Variants in TTC28 observed in about 807,000 individuals in gnomAD.
TTC28 encodes tetratricopeptide repeat protein 28.
Under a neutral mutation model 198.0 loss-of-function variants are expected in TTC28, and 61 were observed. The observed-to-expected ratio is 0.31, with a 90% CI of 0.25 to 0.38. The LOEUF is 0.38. Among genes scored for constraint, TTC28 ranks in the 10% least tolerant of loss-of-function variants. The probability of loss-of-function intolerance (pLI) is 1.00; values close to 1 mark genes in which losing one functional copy is unlikely to be tolerated. For missense variants in TTC28, 2,678 were observed against 3,164.0 expected (o/e 0.85, Z 3.69); for synonymous variants, 1,171 against 1,297.8 (o/e 0.90, Z 2.10).
intron 2 of TTC28, among the ~76,000 whole-genome samples, chr22:28,491,330 G>A (rs1049822623): frequency 1.3e-5 from 2 of 152,108 alleles, no homozygotes; most frequent in South Asian, 2.1e-4. Context: ...GCAACCTACA[G>A]AATGGGAGAA....
At chr22:28,655,181 C>T (rs1050523450) in intron 1 of TTC28, among the ~76,000 whole-genome samples, 2 of 152,168 alleles carry the variant, frequency 1.3e-5, no homozygotes, top group African/African-American at 2.4e-5. Flanking sequence ...CAGGCATTTA[C>T]TGAACACTGA....
chr22:28,039,844 CTAAT>C (rs1317031133), intron 12 of TTC28, among the ~76,000 whole-genome samples: 1 of 151,628 alleles, frequency 6.6e-6, no homozygotes, highest in Non-Finnish European at 1.5e-5. Flanking sequence ...GCTAGCAAGA[CTAAT>C]AAAGAAGAAA....
chr22:28,473,659 C>T lies in TTC28; in HGVS notation c.381+155893G>A, dbSNP rs564989074. On this transcript the variant is annotated intron_variant, in intron 2 of 22. Transcript: ENST00000397906. Reference sequence around the variant, plus strand: ...GTACCTCTGCTGCTGCTGTACACTGCCACTTTCAATAAAAGCTGCTAACAC... The same window carrying T: ...GTACCTCTGCTGCTGCTGTACACTGTCACTTTCAATAAAAGCTGCTAACAC... Among the ~76,000 whole-genome samples the T allele has an allele frequency of 2.6e-4, 39 of 152,318 alleles. 1 individual carries two copies. Among genetic ancestry groups the T allele is most frequent in the African/African-American group, 9.1e-4 (38 of 41,566 alleles).
intron 1 of TTC28, among the ~76,000 whole-genome samples, chr22:28,663,631 G>T (rs2051790708): frequency 7.8e-6 from 1 of 128,950 alleles, no homozygotes; most frequent in Non-Finnish European, 1.6e-5. Context: ...TCCCACACCT[G>T]GCTCAGAGGG....
intron 2 of TTC28, among the ~76,000 whole-genome samples, chr22:28,539,232 G>A (rs1382807378): frequency 6.6e-6 from 1 of 152,156 alleles, no homozygotes; most frequent in Non-Finnish European, 1.5e-5. Flanking sequence ...GAGGAAGGCG[G>A]GGGCTGACAG....
In TTC28 at chr22:28,264,138, G is replaced by C. The variant is rs553038986; in HGVS notation, c.933+32060C>G. On this transcript the variant is annotated intron_variant, in intron 5 of 22. Transcript: ENST00000397906. ...CCCATAATCCCCATATGTCATGGGAGAAAGCTGGTGAGAGGTAACTGAATC... is the reference window on the plus strand; with the variant it reads ...CCCATAATCCCCATATGTCATGGGACAAAGCTGGTGAGAGGTAACTGAATC... 1.1e-4 allele frequency among the ~76,000 whole-genome samples: 17 copies of C among 152,234 alleles called. No individual in the cohort carries two copies. The South Asian group carries it at 1.2e-3, about 11-fold the overall frequency.
chr22:28,604,304 T>C (rs575617536), intron 2 of TTC28, among the ~76,000 whole-genome samples: 1 of 141,496 alleles, frequency 7.1e-6, no homozygotes, highest in Non-Finnish European at 1.5e-5. Flanking sequence ...AAATTATATA[T>C]ATATATATAT....
chr22:28,303,595 G>A (rs2045071464), intron 3 of TTC28, among the ~76,000 whole-genome samples: 2 of 151,954 alleles, frequency 1.3e-5, no homozygotes, highest in South Asian at 4.2e-4. Context: ...TGGGAGAAAG[G>A]GTATATTAAT....
At chr22:28,582,658 A>T (rs1236576391) in intron 2 of TTC28, among the ~76,000 whole-genome samples, 1 of 152,218 alleles carries the variant, frequency 6.6e-6, no homozygotes, top group Non-Finnish European at 1.5e-5. Context: ...ATTGGAATGC[A>T]TCTTTTTTGC....
intron 3 of TTC28, among the ~76,000 whole-genome samples, chr22:28,301,028 C>T (rs970214174): frequency 1.1e-4 from 16 of 150,108 alleles, no homozygotes; most frequent in Non-Finnish European, 2.1e-4. Flanking sequence ...CAGATACATA[C>T]ACACAAAAGT....
chr22:28,097,423 G>GA (rs1942010399), intron 10 of TTC28, among the ~76,000 whole-genome samples: 1 of 152,122 alleles, frequency 6.6e-6, no homozygotes, highest in Admixed American at 6.5e-5. Context: ...ATCCCCATGG[G>GA]AAAAGAGTTT....
chr22:28,152,105 GC>G (rs1943622166), intron 6 of TTC28, among the ~76,000 whole-genome samples: 1 of 152,166 alleles, frequency 6.6e-6, no homozygotes, highest in Non-Finnish European at 1.5e-5. Flanking sequence ...TTACTTTTAT[GC>G]CAACCACATA....
intron 2 of TTC28, among the ~76,000 whole-genome samples, chr22:28,386,841 T>C (rs2046608800): frequency 6.6e-6 from 1 of 152,090 alleles, no homozygotes; most frequent in Admixed American, 6.5e-5. Flanking sequence ...TTTTGTTTTG[T>C]TTTAAGTTAT....
chr22:28,448,115 G>A (rs2047729135), intron 2 of TTC28, among the ~76,000 whole-genome samples: 1 of 152,132 alleles, frequency 6.6e-6, no homozygotes, highest in Non-Finnish European at 1.5e-5. Context: ...TAACATTATT[G>A]TTTCAAAGAT....
intron 2 of TTC28, among the ~76,000 whole-genome samples, chr22:28,597,872 G>A (rs750800225): frequency 6.6e-5 from 10 of 152,002 alleles, no homozygotes; most frequent in Non-Finnish European, 8.8e-5. Context: ...CCTCACTGCA[G>A]CATTGAGCTC....
At chr22:28,378,278 G>A (rs558221379) in intron 2 of TTC28, among the ~76,000 whole-genome samples, 56 of 150,668 alleles carry the variant, frequency 3.7e-4, no homozygotes, top group African/African-American at 1.1e-3. Context: ...CCTGGGAGGC[G>A]GAGGTTGCAG....
intron 4 of TTC28, 37 bp from the exon 5 acceptor site, chr22:28,296,365 C>A (rs1427977749): frequency 4.1e-6 from 6 of 1,476,006 alleles, no homozygotes; most frequent in Admixed American, 2.6e-5. Context: ...GAAAAAATTT[C>A]TCTAAGTTAT....
In TTC28 at chr22:28,163,534, T is replaced by G; in HGVS notation, c.999A>C (p.Ala333=). 3.2e-6 allele frequency: 5 copies of G among 1,551,676 alleles called. No homozygotes were observed. The highest frequency in any genetic ancestry group is 3.5e-6 in the Non-Finnish European group (4 of 1,146,970). The change falls in exon 6 of 23, where the codon GCA becomes GCC. Residue 333 remains alanine, a synonymous_variant. Transcript: ENST00000397906. ...VYTAIGDYPN[A]LASHKQCVLL... is the part of the protein sequence containing the mutation. ...GAACACACTGTTTGTGACTGGCCAGTGCATTGGGGTAGTCTCCAATGGCTG... is the reference window on the plus strand; with the variant it reads ...GAACACACTGTTTGTGACTGGCCAGGGCATTGGGGTAGTCTCCAATGGCTG...
At chr22:28,118,899 T>A (rs1223215802) in intron 6 of TTC28, among the ~76,000 whole-genome samples, 1 of 152,226 alleles carries the variant, frequency 6.6e-6, no homozygotes, top group Non-Finnish European at 1.5e-5. Flanking sequence ...AGAAGTTAAA[T>A]AAATCCTTTA....
Sources: allele counts gnomAD v4.1 joint callset (sites outside exome capture counted in the v4.1 genomes callset), GRCh38; gene constraint gnomAD v4.1.1; transcripts MANE v1.5; gene names NCBI Gene and HGNC (gene_info 2026-07-23, HGNC 2026-07-21).